IRAK2: variants seen among roughly 807,000 people sequenced by gnomAD.
The protein encoded by IRAK2 is interleukin 1 receptor associated kinase 2.
IRAK2 carries 57 observed loss-of-function variants against 72.0 expected under a neutral mutation model. That is an observed-to-expected ratio of 0.79 (90% CI 0.64 to 0.99). IRAK2 has a LOEUF of 0.99. Among genes scored for constraint, IRAK2 ranks in the 50% least tolerant of loss-of-function variants. The probability of loss-of-function intolerance (pLI) is 0.00; values close to 1 mark genes in which losing one functional copy is unlikely to be tolerated. For missense variants in IRAK2, 790 were observed against 794.4 expected, an observed-to-expected ratio of 0.99 and a Z score of 0.07; for synonymous variants, 293 against 312.7, an observed-to-expected ratio of 0.94 and a Z score of 0.67.
chr3:10,215,126 C>G (rs1385300005), intron 6 of IRAK2, among the ~76,000 whole-genome samples: 1 of 151,496 alleles, frequency 6.6e-6, no homozygotes, highest in Non-Finnish European at 1.5e-5. Context: ...GTGGCTCACA[C>G]CTGTAATGCC....
Position 10,238,878 on chromosome 3 carries a change from C to A in IRAK2, c.1604C>A (p.Ser535Tyr), listed in dbSNP as rs756529292. The change falls in exon 12 of 13, where the codon TCC (serine) becomes TAC (tyrosine). Residue 535 changes from serine (S) to tyrosine (Y), a missense_variant. By Grantham distance (144) the Ser-to-Tyr change is moderately radical. Coordinates refer to ENST00000256458, the MANE Select transcript of IRAK2 (RefSeq NM_001570.4). ...GAGGAAACAGACGACGTTGACAATT[C>A]CAGCCTTGATGCCTCCTCCTCCATG... ...TPEETDDVDN[S>Y]SLDASSSMSV... The A allele has an allele frequency of 3.1e-6, 5 of 1,613,986 alleles. No individual in the cohort carries two copies. In the South Asian group the frequency reaches 3.3e-5, roughly 11 times the overall value.
intron 1 of IRAK2, among the ~76,000 whole-genome samples, chr3:10,171,583 C>T (rs1400844508): frequency 2.6e-5 from 4 of 152,094 alleles, no homozygotes; most frequent in Non-Finnish European, 4.4e-5. Context: ...AGTCCCTGTA[C>T]TGTTAATCAT....
intron 10 of IRAK2, among the ~76,000 whole-genome samples, chr3:10,230,674 A>G (rs975142219): frequency 7.2e-5 from 11 of 152,176 alleles, no homozygotes; most frequent in African/African-American, 2.4e-4. Context: ...GCCTCAAGTG[A>G]TCCCCTGCTT....
chr3:10,196,957 G>A (rs532346362), intron 2 of IRAK2, among the ~76,000 whole-genome samples: 5 of 152,204 alleles, frequency 3.3e-5, no homozygotes, highest in South Asian at 4.1e-4. Flanking sequence ...CTCAGTTCTC[G>A]TCATTACTTT....
intron 3 of IRAK2, among the ~76,000 whole-genome samples, chr3:10,208,750 G>GATCCTC: frequency 6.6e-6 from 1 of 151,150 alleles, no homozygotes; most frequent in Middle Eastern, 3.2e-3. Flanking sequence ...GCAACAGAGG[G>GATCCTC]AGACTCCATC....
rs371172175 is a variant in IRAK2 at position 10,219,746 on chromosome 3, G to C, written c.970G>C (p.Glu324Gln). Reference protein sequence around the residue: ...SICSGLLCAVEYLHGLEIIHS... With the variant: ...SICSGLLCAVQYLHGLEIIHS... ...CTGCTCAGGGCTGCTCTGTGCCGTCGAGTACCTGCATGGTCTGGAGATCAT... is the reference window on the plus strand; with the variant it reads ...CTGCTCAGGGCTGCTCTGTGCCGTCCAGTACCTGCATGGTCTGGAGATCAT... Residue 324 changes from glutamate (E) to glutamine (Q), a missense_variant, in exon 8 of 13, where the codon GAG becomes CAG. Physicochemically the swap from Glu to Gln is conservative, Grantham distance 29. Transcript: ENST00000256458. 4 of 1,613,852 alleles carry C rather than the reference G, an allele frequency of 2.5e-6. No homozygotes were observed. The highest frequency in any genetic ancestry group is 1.3e-5 in the African/African-American group (1 of 74,862).
intron 8 of IRAK2, among the ~76,000 whole-genome samples, chr3:10,221,923 AT>A (rs553491773): frequency 3.3e-5 from 5 of 150,058 alleles, no homozygotes; most frequent in South Asian, 2.1e-4. Context: ...AGATCAAATG[AT>A]TTTTTTTGAG....
At chr3:10,220,876 T>G (rs1351164102) in intron 8 of IRAK2, among the ~76,000 whole-genome samples, 1 of 152,186 alleles carries the variant, frequency 6.6e-6, no homozygotes, top group Non-Finnish European at 1.5e-5. Flanking sequence ...TTTCACTTCC[T>G]GCCTATACAA....
Position 10,234,571 on chromosome 3 carries a change from G to A in IRAK2, c.1385G>A (p.Gly462Asp), listed in dbSNP as rs1259113337. The A allele has an allele frequency of 6.2e-7, 1 of 1,614,028 alleles. No homozygotes were observed. The highest frequency in any genetic ancestry group is 8.5e-7 in the Non-Finnish European group (1 of 1,180,036). The stretch of plus-strand genomic sequence containing the variant: ...ATCTGCCAGAAGTACCTGGAGAAGG[G>A]CGCAGGGAGGCTTCCGGAGGACTGC... ...KEICQKYLEK[G>D]AGRLPEDCAE... The change falls in exon 11 of 13, where the codon GGC becomes GAC. Residue 462 changes from glycine to aspartate, a missense_variant. Transcript: ENST00000256458.
intron 8 of IRAK2, among the ~76,000 whole-genome samples, chr3:10,222,085 G>A (rs1697706924): frequency 6.6e-6 from 1 of 151,970 alleles, no homozygotes; most frequent in African/African-American, 2.4e-5. Context: ...ATGGAGTTTC[G>A]GCATGCTGGC....
In IRAK2 at chr3:10,228,370, C is replaced by A. The variant is rs187109251; in HGVS notation, c.1272+1937C>A. On this transcript the variant is annotated intron_variant, in intron 10 of 12. Coordinates refer to ENST00000256458, the MANE Select transcript of IRAK2 (RefSeq NM_001570.4). ...TTGATGAACTCTGTGAGTTCCACCC[C>A]TTTTGGGCAGTCAATCCCATATGCT... is the stretch of plus-strand genomic sequence containing the variant. 2.0e-5 allele frequency among the ~76,000 whole-genome samples: 3 copies of A among 152,212 alleles called. No individual in the cohort carries two copies. In the East Asian group the frequency reaches 5.8e-4, roughly 29 times the overall value.
chr3:10,182,957 A>C (rs1326540607), intron 2 of IRAK2, among the ~76,000 whole-genome samples: 1 of 151,782 alleles, frequency 6.6e-6, no homozygotes, highest in African/African-American at 2.4e-5. Context: ...TTTTTAATAG[A>C]GATGGGGTTT....
At chr3:10,166,434 G>C (rs1169789538) in intron 1 of IRAK2, among the ~76,000 whole-genome samples, 1 of 152,212 alleles carries the variant, frequency 6.6e-6, no homozygotes, top group South Asian at 2.1e-4. Flanking sequence ...TGTTGTCTCT[G>C]CTTTCCAGGT....
At position 10,213,201 on chromosome 3, in the gene IRAK2, C is replaced by T. The variant is rs1202148611; in HGVS notation, c.529-6C>T. 5 of 1,613,194 alleles carry T rather than the reference C, an allele frequency of 3.1e-6. No homozygotes were observed. Among genetic ancestry groups the T allele is most frequent in the Non-Finnish European group, 4.2e-6 (5 of 1,179,306 alleles). ...TAATCTCCATCTCTTCTCTCTGGGT[C>T]TCCAGGACTTCAGCACCTCCATTCC... On this transcript the variant is annotated splice_polypyrimidine_tract_variant and splice_region_variant and intron_variant, in intron 4 of 12. Transcript: ENST00000256458.
chr3:10,240,577 G>A (rs1489363811), intron 12 of IRAK2, among the ~76,000 whole-genome samples: 16 of 36,578 alleles, frequency 4.4e-4, no homozygotes, highest in African/African-American at 2.2e-3. Flanking sequence ...TTTTTGTTTT[G>A]AGACAGTGTT....
intron 3 of IRAK2, among the ~76,000 whole-genome samples, chr3:10,201,652 T>C (rs1227867390): frequency 1.3e-5 from 2 of 152,366 alleles, no homozygotes; most frequent in African/African-American, 2.4e-5. Flanking sequence ...AGGGACAGTT[T>C]CCAAATGACA....
intron 1 of IRAK2, among the ~76,000 whole-genome samples, chr3:10,176,234 T>C (rs1398011780): frequency 1.3e-5 from 2 of 152,184 alleles, no homozygotes; most frequent in African/African-American, 2.4e-5. Context: ...CTGATCCTTA[T>C]AACAGTTCTG....
rs546914442 is a variant in IRAK2 at position 10,219,580 on chromosome 3, T to A, written c.904-100T>A. ...TGATCTGCCTGCCTGGGCCTCCCAG[T>A]GTGCTGGGATTACAGGTGTGAGCCA... is the stretch of plus-strand genomic sequence containing the variant. On this transcript the variant is annotated intron_variant, in intron 7 of 12. Transcript: ENST00000256458. 51 of 783,736 alleles carry A rather than the reference T, an allele frequency of 6.5e-5. No homozygotes were observed. In the African/African-American group the frequency reaches 7.4e-4, roughly 11 times the overall value. 48.5% of individuals were successfully genotyped at this position (783,736 alleles called of 1,614,324 possible). A position where few individuals can be genotyped will look rare whatever the true frequency, so the allele number is the denominator to read the frequency against.
intron 3 of IRAK2, among the ~76,000 whole-genome samples, chr3:10,202,673 C>A (rs1697379614): frequency 6.9e-6 from 1 of 144,100 alleles, no homozygotes; most frequent in Admixed American, 7.2e-5. Flanking sequence ...TCAGCCTTTG[C>A]TGTTTACTTT....
Sources: allele counts gnomAD v4.1 joint callset (sites outside exome capture counted in the v4.1 genomes callset), GRCh38; gene constraint gnomAD v4.1.1; transcripts MANE v1.5; gene names NCBI Gene and HGNC (gene_info 2026-07-23, HGNC 2026-07-21).